Variants in ANGPTL2 observed in about 807,000 individuals in gnomAD.
ANGPTL2 encodes angiopoietin like 2, also known as angiopoietin-related protein 2.
ANGPTL2 carries 25 observed loss-of-function variants against 52.8 expected under a neutral mutation model. The observed-to-expected ratio is 0.47, with a 90% CI of 0.35 to 0.66. The LOEUF (loss-of-function observed/expected upper bound fraction) is 0.66, where lower values mean the gene tolerates loss of function less well. Ranked by LOEUF, ANGPTL2 falls within the 30% of genes least tolerant of loss-of-function variation. ANGPTL2 has a pLI of 0.01. For missense variants in ANGPTL2, 546 were observed against 656.9 expected, an observed-to-expected ratio of 0.83 and a Z score of 1.84; for synonymous variants, 276 against 277.4, an observed-to-expected ratio of 1.00 and a Z score of 0.05.
At chr9:127,096,563 A>T (rs2053163320) in intron 2 of ANGPTL2, among the ~76,000 whole-genome samples, 1 of 152,220 alleles carries the variant, frequency 6.6e-6, no homozygotes, top group African/African-American at 2.4e-5. Context: ...TCGTGGCTCC[A>T]GCTGGGGCTG....
At chr9:127,097,594 A>G (rs1238104572) in intron 2 of ANGPTL2, among the ~76,000 whole-genome samples, 1 of 152,278 alleles carries the variant, frequency 6.6e-6, no homozygotes, top group African/African-American at 2.4e-5. Context: ...AAGAGTTAAC[A>G]TTGAAAAATT....
chr9:127,096,446 C>G (rs988629253), intron 2 of ANGPTL2, among the ~76,000 whole-genome samples: 8 of 152,168 alleles, frequency 5.3e-5, no homozygotes, highest in Middle Eastern at 3.2e-3. Flanking sequence ...CCTCTTACTG[C>G]ACAGCTGCCA....
At chr9:127,112,479 G>A (rs779920291) in intron 1 of ANGPTL2, among the ~76,000 whole-genome samples, 2 of 152,266 alleles carry the variant, frequency 1.3e-5, no homozygotes, top group Non-Finnish European at 1.5e-5. Context: ...CAGAGGCCCA[G>A]GAGGCAACCT....
At chr9:127,110,168 C>G (rs2054653246) in intron 1 of ANGPTL2, among the ~76,000 whole-genome samples, 2 of 152,186 alleles carry the variant, frequency 1.3e-5, no homozygotes, top group Non-Finnish European at 2.9e-5. Context: ...CCTGGTCTCT[C>G]TTGAGCCCAC....
rs551324133 is a variant in ANGPTL2 at position 127,095,164 on chromosome 9, T to C, written c.818-1238A>G. On this transcript the variant is annotated intron_variant, in intron 2 of 4. Transcript: ENST00000373425. The stretch of plus-strand genomic sequence containing the variant: ...CTGTAATCCCAGCACTTTGGGAGGC[T>C]GAGGCAGGCAGATCACAAAGTCAGG... Among the ~76,000 whole-genome samples the C allele has an allele frequency of 5.9e-5, 9 of 152,338 alleles. No homozygotes were observed. In the East Asian group the frequency reaches 1.7e-3, roughly 29 times the overall value.
At chr9:127,090,326 C>T (rs2052312913) in intron 4 of ANGPTL2, among the ~76,000 whole-genome samples, 1 of 152,234 alleles carries the variant, frequency 6.6e-6, no homozygotes, top group Admixed American at 6.5e-5. Flanking sequence ...TGTAGCAGCC[C>T]CTGTGTCCCA....
intron 1 of ANGPTL2, among the ~76,000 whole-genome samples, chr9:127,111,859 C>T (rs998582086): frequency 7.2e-5 from 11 of 152,332 alleles, no homozygotes; most frequent in Middle Eastern, 3.4e-3. Context: ...TAACTCTTAA[C>T]GATGACACAG....
At chr9:127,096,159 C>T (rs573952980) in intron 2 of ANGPTL2, among the ~76,000 whole-genome samples, 1 of 152,346 alleles carries the variant, frequency 6.6e-6, no homozygotes, top group South Asian at 2.1e-4. Flanking sequence ...CCACCACTCC[C>T]TCAGTATCCT....
At chr9:127,101,579 CAAT>C (rs1319644344) in intron 2 of ANGPTL2, among the ~76,000 whole-genome samples, 2 of 152,122 alleles carry the variant, frequency 1.3e-5, no homozygotes, top group African/African-American at 4.8e-5. Context: ...AGCTGAGAAC[CAAT>C]AATAATAAAT....
chr9:127,107,770 C>T (rs2054361180), intron 2 of ANGPTL2, 145 bp downstream of exon 2: 2 of 782,578 alleles, frequency 2.6e-6, no homozygotes, highest in South Asian at 3.1e-5. Context: ...TCCAGCAGCT[C>T]AGCCCAAGGG....
rs765937887 is a variant in ANGPTL2 at position 127,108,303 on chromosome 9, G to A, written c.429C>T (p.His143=). 1.1e-5 allele frequency: 17 copies of A among 1,613,780 alleles called. No individual in the cohort carries two copies. The highest frequency in any genetic ancestry group is 2.2e-5 in the East Asian group (1 of 44,854). Reference sequence around the variant, plus strand: ...CGTTGTCCCGCTTGCGGATGATCTCGTGCAGGAGCTGCATGTAGAGCTGCG... The same window carrying A: ...CGTTGTCCCGCTTGCGGATGATCTCATGCAGGAGCTGCATGTAGAGCTGCG... ...RVTQLYMQLL[H]EIIRKRDNAL... is the part of the protein sequence containing the mutation. Residue 143 remains histidine (H), a synonymous_variant, in exon 2 of 5, where the codon CAC becomes CAT. Coordinates refer to ENST00000373425, the MANE Select transcript of ANGPTL2 (RefSeq NM_012098.3).
chr9:127,108,209 T>C lies in ANGPTL2; in HGVS notation c.523A>G (p.Lys175Glu). 6.2e-7 allele frequency: 1 copy of C among 1,614,100 alleles called. No homozygotes were observed. Among genetic ancestry groups the C allele is most frequent in the Non-Finnish European group, 8.5e-7 (1 of 1,180,014 alleles). The change falls in exon 2 of 5, where the codon AAG becomes GAG. Residue 175 changes from lysine (K) to glutamate (E), a missense_variant. Around this residue, in one of 2 missense-constraint regions of ANGPTL2, gnomAD observed 285 missense variants for 295.8 expected, o/e 0.96. Transcript: ENST00000373425. The part of the protein sequence containing the change: ...QTADMLQLAS[K>E]YKDLEHKYQH... ...TACTTGTGCTCCAGGTCCTTGTACT[T>C]GCTGGCCAGCTGCAGCATGTCGGCT...
chr9:127,116,124 G>C (rs2055387582), intron 1 of ANGPTL2, among the ~76,000 whole-genome samples: 1 of 152,184 alleles, frequency 6.6e-6, no homozygotes, highest in Non-Finnish European at 1.5e-5. Flanking sequence ...ATTGTGCATT[G>C]CTACTACCTG....
chr9:127,104,860 C>A (rs1258638397), intron 2 of ANGPTL2, among the ~76,000 whole-genome samples: 2 of 152,190 alleles, frequency 1.3e-5, no homozygotes, highest in African/African-American at 4.8e-5. Flanking sequence ...AGTGATGTCC[C>A]TAAGAACAAA....
Position 127,087,927 on chromosome 9 carries a change from T to C in ANGPTL2, c.*1012A>G, listed in dbSNP as rs1473919223. Reference sequence around the variant, plus strand: ...AATGACCTGTAGGTTAAAGTATGAATGGAAGATACAAAACTGCGAGTACAT... The same window carrying C: ...AATGACCTGTAGGTTAAAGTATGAACGGAAGATACAAAACTGCGAGTACAT... On this transcript the variant is annotated 3_prime_UTR_variant, in exon 5 of 5. Coordinates refer to ENST00000373425, the MANE Select transcript of ANGPTL2 (RefSeq NM_012098.3). 1.3e-5 allele frequency: 2 copies of C among 152,602 alleles called. No individual in the cohort carries two copies. The highest frequency in any genetic ancestry group is 2.9e-5 in the Non-Finnish European group (2 of 68,028). The allele number at this position is 152,602 out of a possible 1,614,324, so 9.5% of individuals were successfully genotyped here.
intron 1 of ANGPTL2, among the ~76,000 whole-genome samples, chr9:127,120,246 A>G (rs1042795337): frequency 9.2e-5 from 14 of 152,240 alleles, no homozygotes; most frequent in Admixed American, 5.2e-4. Flanking sequence ...GGGGAGATCA[A>G]TAGGCAGACA....
chr9:127,090,357 G>A (rs1359033681), intron 4 of ANGPTL2, among the ~76,000 whole-genome samples: 1 of 152,236 alleles, frequency 6.6e-6, no homozygotes, highest in African/African-American at 2.4e-5. Flanking sequence ...AGCTCTGAAG[G>A]TTATCCTTCT....
At chr9:127,098,524 G>T (rs1011343313) in intron 2 of ANGPTL2, among the ~76,000 whole-genome samples, 5 of 152,206 alleles carry the variant, frequency 3.3e-5, no homozygotes, top group African/African-American at 1.2e-4. Context: ...CAACAAGGAT[G>T]GGTAGGCACA....
In ANGPTL2 at chr9:127,087,460, T is replaced by C. The variant is rs1283739375; in HGVS notation, c.*1479A>G. 6.6e-6 allele frequency: 1 copy of C among 152,612 alleles called. No individual in the cohort carries two copies. Among genetic ancestry groups the C allele is most frequent in the African/African-American group, 2.4e-5 (1 of 41,424 alleles). The allele number at this position is 152,612 out of a possible 1,614,324, so 9.5% of individuals were successfully genotyped here. A position where few individuals can be genotyped will look rare whatever the true frequency, so the allele number is the denominator to read the frequency against. On this transcript the variant is annotated 3_prime_UTR_variant, in exon 5 of 5. Transcript: ENST00000373425. ...ACAAAACATGCTACATGGTACACTTTGTGAGAAATGCTGAGGTAATAGGCA... is the reference window on the plus strand; with the variant it reads ...ACAAAACATGCTACATGGTACACTTCGTGAGAAATGCTGAGGTAATAGGCA...
Sources: gnomAD v4.1 joint callset for allele counts (sites outside exome capture counted in the v4.1 genomes callset) on GRCh38, gnomAD v4.1.1 for gene constraint, gnomAD v4.1.1 regional missense constraint, MANE v1.5 for transcripts, NCBI Gene and HGNC (gene_info 2026-07-23, HGNC 2026-07-21) for gene names.